Variants in ING1 observed in about 807,000 individuals in gnomAD.
ING1 encodes inhibitor of growth family member 1.
ING1 carries 4 observed loss-of-function variants against 23.1 expected under a neutral mutation model. The ratio of observed to expected loss-of-function variants is 0.17; its 90% CI spans 0.09 to 0.40. The LOEUF (loss-of-function observed/expected upper bound fraction) is 0.40. Among genes scored for constraint, ING1 ranks in the 10% least tolerant of loss-of-function variants. ING1 has a pLI of 1.00. For missense variants in ING1, 256 were observed against 393.8 expected (o/e 0.65, Z 2.96); for synonymous variants, 179 against 166.4 (o/e 1.08, Z -0.58).
rs1478783486 is a variant in ING1 at position 110,713,952 on chromosome 13, C to T, written c.-198C>T. 1 of 1,023,854 alleles carries T rather than the reference C, an allele frequency of 9.8e-7. No individual in the cohort carries two copies. Among genetic ancestry groups the T allele is most frequent in the South Asian group, 4.6e-5 (1 of 21,654 alleles). The allele number at this position is 1,023,854 out of a possible 1,614,324, so 63.4% of individuals were successfully genotyped here. A position where few individuals can be genotyped will look rare whatever the true frequency, so the allele number is the denominator to read the frequency against. ...AGCCACCGCCACCGCGGCCCGCGCC[C>T]TCAGGCGCTGGGGTCCCCGCGGACC... On this transcript the variant is annotated 5_prime_UTR_variant, in exon 1 of 2. Transcript: ENST00000333219.
In ING1 at chr13:110,719,703, C is replaced by T; in HGVS notation, c.611C>T (p.Pro204Leu). The change falls in exon 2 of 2, where the codon CCC becomes CTC. Residue 204 changes from proline (P) to leucine (L), a missense_variant. This residue lies in a region of ING1 where 25 missense variants were observed against 95.8 expected (regional missense o/e 0.26). Coordinates refer to ENST00000333219, the MANE Select transcript of ING1 (RefSeq NM_198219.3). This position sits in a 1 kb window ranked among gnomAD's most constrained non-coding sequence, Gnocchi z 8.9. ...CGAGAGGCGTCCCCTGCCGACCTCCCCATCGACCCCAACGAACCCACGTAC... is the reference window on the plus strand; with the variant it reads ...CGAGAGGCGTCCCCTGCCGACCTCCTCATCGACCCCAACGAACCCACGTAC... Reference protein sequence around the residue: ...AEREASPADLPIDPNEPTYCL... With the variant: ...AEREASPADLLIDPNEPTYCL... 6.2e-7 allele frequency: 1 copy of T among 1,613,936 alleles called. No individual in the cohort carries two copies. The highest frequency in any genetic ancestry group is 8.5e-7 in the Non-Finnish European group (1 of 1,179,978).
In ING1 at chr13:110,714,039, G is replaced by C. The variant is rs1401413905; in HGVS notation, c.-111G>C. ...GGGCCGAAGCAGGAGCCGGCGGGGG[G>C]GCGCCGGGAGAGCGAGGGCTTTGCA... On this transcript the variant is annotated 5_prime_UTR_variant, in exon 1 of 2. Coordinates refer to ENST00000333219, the MANE Select transcript of ING1 (RefSeq NM_198219.3). 9.7e-6 allele frequency: 12 copies of C among 1,232,634 alleles called. No homozygotes were observed. Among genetic ancestry groups the C allele is most frequent in the African/African-American group, 1.6e-5 (1 of 63,378 alleles). 76.4% of individuals were successfully genotyped at this position (1,232,634 alleles called of 1,614,324 possible). A position where few individuals can be genotyped will look rare whatever the true frequency, so the allele number is the denominator to read the frequency against.
At chr13:110,713,622 T>G, upstream of ING1, 1 of 983,844 alleles carries the variant, frequency 1.0e-6, no homozygotes, top group Non-Finnish European at 1.2e-6. Context: ...GCGGGGCCGT[T>G]GCCGGGGGAG....
chr13:110,713,024 AG>A (rs2064053355), upstream of ING1: 2 of 1,507,756 alleles, frequency 1.3e-6, no homozygotes, highest in South Asian at 1.2e-5. Context: ...GGACACCGAG[AG>A]GGTGCCAGTG....
At chr13:110,712,844 CCT>C (rs2064048372), upstream of ING1, 2 of 1,065,522 alleles carry the variant, frequency 1.9e-6, no homozygotes, top group Admixed American at 2.0e-5. Context: ...AAGCAGCTTC[CCT>C]CTCAGGCCCC....
chr13:110,713,097 T>C, upstream of ING1: 3 of 1,439,378 alleles, frequency 2.1e-6, no homozygotes, highest in Non-Finnish European at 2.7e-6. Context: ...CCCGGAGGAC[T>C]TGGGTTTCTA....
At position 110,723,061 on chromosome 13, in the gene ING1, AGT is replaced by A. The variant is rs982610120; in HGVS notation, c.*3132_*3133del. 6.6e-6 allele frequency: 1 copy of A among 152,246 alleles called. No homozygotes were observed. The highest frequency in any genetic ancestry group is 1.5e-5 in the Non-Finnish European group (1 of 68,044). 9.4% of individuals were successfully genotyped at this position (152,246 alleles called of 1,614,324 possible). On this transcript the variant is annotated 3_prime_UTR_variant, in exon 2 of 2. Coordinates refer to ENST00000333219, the MANE Select transcript of ING1 (RefSeq NM_198219.3). The stretch of plus-strand genomic sequence containing the variant: ...ATTACAGTTCAGATAAAGGGTCCAA[AGT>A]GTTTTCGTTATGATATAATACTTTC...
At position 110,722,989 on chromosome 13, in the gene ING1, C is replaced by A. The variant is rs963899443; in HGVS notation, c.*3057C>A. The A allele has an allele frequency of 6.6e-6, 1 of 152,168 alleles. No homozygotes were observed. The highest frequency in any genetic ancestry group is 1.5e-5 in the Non-Finnish European group (1 of 68,034). The allele number at this position is 152,168 out of a possible 1,614,324, so 9.4% of individuals were successfully genotyped here. On this transcript the variant is annotated 3_prime_UTR_variant, in exon 2 of 2. Transcript: ENST00000333219. ...AAAGCGATCTAATATAGAACAGTTG[C>A]TTTTACTTAGATGTTCAATGCATAT...
intron 1 of ING1, among the ~76,000 whole-genome samples, 192 bp downstream of exon 1, chr13:110,714,477 G>T (rs2064083445): frequency 6.6e-6 from 1 of 152,114 alleles, no homozygotes; most frequent in Non-Finnish European, 1.5e-5. Context: ...GCAAAGCCCG[G>T]GACACGGAGG....
chr13:110,713,316 G>A (rs1203458963), upstream of ING1: 1 of 1,167,638 alleles, frequency 8.6e-7, no homozygotes, highest in East Asian at 4.2e-5. Context: ...GGTCTCGGAG[G>A]TTTCTGTCCC....
At chr13:110,716,021 G>A in intron 1 of ING1, 2 of 1,491,224 alleles carry the variant, frequency 1.3e-6, no homozygotes, top group Middle Eastern at 2.0e-4. Context: ...GAGTGACTGG[G>A]GCTGCGTCCA....
rs944413286 is a variant in ING1, at chr13:110,721,082, T to G, written c.*1150T>G. 3.6e-5 allele frequency: 6 copies of G among 167,036 alleles called. No individual in the cohort carries two copies. The highest frequency in any genetic ancestry group is 8.8e-5 in the Non-Finnish European group (6 of 68,130). 10.3% of individuals were successfully genotyped at this position (167,036 alleles called of 1,614,324 possible). Reference sequence around the variant, plus strand: ...AAGTTTCAGCGGAACACAGCCGTGCTTATGTGCGTATGTATTGTCTGACTG... The same window carrying G: ...AAGTTTCAGCGGAACACAGCCGTGCGTATGTGCGTATGTATTGTCTGACTG... On this transcript the variant is annotated 3_prime_UTR_variant, in exon 2 of 2. Transcript: ENST00000333219.
At position 110,719,626 on chromosome 13, in the gene ING1, G is replaced by A. The variant is rs2139976256; in HGVS notation, c.534G>A (p.Glu178=). ...HDDGASGTPK[E]KKAKTSKKKK... ...ACGGCGCCTCGGGCACACCCAAGGAGAAGAAGGCCAAGACCTCCAAGAAGA... is the reference window on the plus strand; with the variant it reads ...ACGGCGCCTCGGGCACACCCAAGGAAAAGAAGGCCAAGACCTCCAAGAAGA... Residue 178 remains glutamate (E), a synonymous_variant, in exon 2 of 2, where the codon GAG becomes GAA. Transcript: ENST00000333219. This position sits in a 1 kb window ranked among gnomAD's most constrained non-coding sequence, Gnocchi z 8.9. The A allele has an allele frequency of 6.2e-7, 1 of 1,612,284 alleles. No homozygotes were observed. The highest frequency in any genetic ancestry group is 1.3e-5 in the African/African-American group (1 of 74,754).
chr13:110,713,031 C>T (rs1305349350), upstream of ING1: 2 of 1,491,476 alleles, frequency 1.3e-6, no homozygotes, highest in Admixed American at 2.2e-5. Context: ...GAGAGGGTGC[C>T]AGTGCGCATG....
In ING1 at chr13:110,719,441, C is replaced by T; in HGVS notation, c.349C>T (p.Gln117Ter). ...CCACGTGGAGCTGTTCGAGGCGCAG[C>T]AGGAGCTGGGCGACACAGCGGGCAA... ...DSHVELFEAQ[Q>*]ELGDTAGNSG... is the part of the protein sequence containing the mutation. The change falls in exon 2 of 2, where the codon CAG (glutamine) becomes TAG (stop). Residue 117 changes from glutamine (Q) to a stop codon, truncating the protein, a stop_gained. Transcript: ENST00000333219. LOFTEE classifies it high-confidence loss of function. This position sits in a 1 kb window ranked among gnomAD's most constrained non-coding sequence, Gnocchi z 8.9. 1 of 1,612,640 alleles carries T rather than the reference C, an allele frequency of 6.2e-7. No homozygotes were observed. Among genetic ancestry groups the T allele is most frequent in the Non-Finnish European group, 8.5e-7 (1 of 1,179,664 alleles).
chr13:110,719,147 C>A lies in ING1; in HGVS notation c.137-82C>A. ...CGCTGGCCCCTAGGCTCCCTGCCAG[C>A]CCTCTCCGTAGACCCGTCCGGGGCC... is the stretch of plus-strand genomic sequence containing the variant. On this transcript the variant is annotated intron_variant, in intron 1 of 1. Coordinates refer to ENST00000333219, the MANE Select transcript of ING1 (RefSeq NM_198219.3). This position sits in a 1 kb window ranked among gnomAD's most constrained non-coding sequence, Gnocchi z 8.9. The A allele has an allele frequency of 7.2e-7, 1 of 1,379,606 alleles. No individual in the cohort carries two copies. The highest frequency in any genetic ancestry group is 1.0e-6 in the Non-Finnish European group (1 of 997,564). 85.5% of individuals were successfully genotyped at this position (1,379,606 alleles called of 1,614,324 possible).
At chr13:110,718,014 G>GT (rs1305954659) in intron 1 of ING1, among the ~76,000 whole-genome samples, 1 of 152,120 alleles carries the variant, frequency 6.6e-6, no homozygotes, top group Non-Finnish European at 1.5e-5. Context: ...AATAGCTTTT[G>GT]TTTCTTGAGA....
upstream of ING1, chr13:110,713,245 G>A: frequency 3.7e-6 from 5 of 1,357,546 alleles, no homozygotes; most frequent in Non-Finnish European, 3.8e-6. Context: ...ATACTGCTCT[G>A]TGGGGCGGGG....
intron 1 of ING1, among the ~76,000 whole-genome samples, chr13:110,718,481 C>T (rs182008742): frequency 7.9e-5 from 12 of 152,298 alleles, no homozygotes; most frequent in Admixed American, 3.9e-4. Flanking sequence ...TGTGGCAGAA[C>T]TGTTCTTGCT....
Sources: allele counts gnomAD v4.1 joint callset (sites outside exome capture counted in the v4.1 genomes callset), GRCh38; gene constraint gnomAD v4.1.1; regional missense constraint gnomAD v4.1.1; non-coding constraint Gnocchi (gnomAD v3.1); transcripts MANE v1.5; gene names NCBI Gene and HGNC (gene_info 2026-07-23, HGNC 2026-07-21).